AGAP4: variants seen among roughly 807,000 people sequenced by gnomAD.
AGAP4 encodes ArfGAP with GTPase domain, ankyrin repeat and PH domain 4.
A neutral mutation model predicts 60.7 loss-of-function variants in AGAP4; 13 were observed. The observed-to-expected ratio is 0.21, with a 90% confidence interval of 0.14 to 0.34. The LOEUF (loss-of-function observed/expected upper bound fraction) is 0.34, where lower values mean the gene tolerates loss of function less well. Ranked by LOEUF, AGAP4 falls within the 10% of genes least tolerant of loss-of-function variation. The probability of loss-of-function intolerance (pLI) is 1.00; values close to 1 mark genes in which losing one functional copy is unlikely to be tolerated. For missense variants in AGAP4, 169 were observed against 884.0 expected, an observed-to-expected ratio of 0.19 and a Z score of 10.26; for synonymous variants, 70 against 339.0, an observed-to-expected ratio of 0.21 and a Z score of 8.72.
intron 4 of AGAP4, among the ~76,000 whole-genome samples, chr10:45,834,674 CAAAAAAA>C (rs1174820110): frequency 0.33 from 4,923 of 15,100 alleles, 267 homozygotes; most frequent in South Asian, 0.42. Context: ...GACTCCGCCT[CAAAAAAA>C]AAAAAAAAAA....
chr10:45,847,008 G>C, intron 1 of AGAP4, 117 bp downstream of exon 1: 1 of 1,597,014 alleles, frequency 6.3e-7, no homozygotes, highest in East Asian at 2.2e-5. Context: ...GCCAGCTCCC[G>C]GGAAAGCTGG....
In AGAP4 at chr10:45,827,249, C is replaced by G; in HGVS notation, c.727G>C (p.Val243Leu). The G allele has an allele frequency of 6.4e-7, 1 of 1,561,954 alleles. No homozygotes were observed. The highest frequency in any genetic ancestry group is 8.6e-7 in the Non-Finnish European group (1 of 1,156,882). Reference sequence around the variant, plus strand: ...GACCAGCGCATGGACCGCTTGCAAACGGGGGTGGGTGTGTTGGCAGTGGGA... The same window carrying G: ...GACCAGCGCATGGACCGCTTGCAAAGGGGGGTGGGTGTGTTGGCAGTGGGA... ...VPPTANTPTP[V>L]CKRSMRWSNL... is the part of the protein sequence containing the mutation. The change falls in exon 8 of 8, where the codon GTT becomes CTT. Residue 243 changes from valine to leucine, a missense_variant. Val to Leu is a conservative substitution (Grantham distance 32). Coordinates refer to ENST00000616763, the MANE Select transcript of AGAP4 (RefSeq NM_001276343.3).
intron 4 of AGAP4, among the ~76,000 whole-genome samples, chr10:45,837,780 TG>T (rs1168505793): frequency 2.0e-5 from 3 of 150,518 alleles, no homozygotes; most frequent in African/African-American, 7.4e-5. Flanking sequence ...AAGATAACAT[TG>T]GAAAAACCCG....
upstream of AGAP4, among the ~76,000 whole-genome samples, chr10:45,849,485 T>G (rs1286942330): frequency 1.9e-4 from 28 of 149,622 alleles, no homozygotes; most frequent in African/African-American, 6.2e-4. Flanking sequence ...TTATTATTAT[T>G]ATTATTATTA....
At chr10:45,830,450 G>T (rs1353181141) in intron 6 of AGAP4, among the ~76,000 whole-genome samples, 1 of 119,030 alleles carries the variant, frequency 8.4e-6, no homozygotes, top group Admixed American at 7.9e-5. Flanking sequence ...GGGATTACAG[G>T]TGTGAACCAC....
At chr10:45,851,203 TG>T (rs1310880935), upstream of AGAP4, among the ~76,000 whole-genome samples, 1 of 151,994 alleles carries the variant, frequency 6.6e-6, no homozygotes, top group East Asian at 1.9e-4. Context: ...TAAGGAGAAC[TG>T]GGAAGAAAGA....
intron 5 of AGAP4, among the ~76,000 whole-genome samples, chr10:45,831,889 G>T (rs1277294114): frequency 6.8e-6 from 1 of 147,178 alleles, no homozygotes; most frequent in Non-Finnish European, 1.5e-5. Flanking sequence ...ACAAGTTTGT[G>T]CCACTATGCC....
chr10:45,842,620 C>T (rs1466784132), intron 3 of AGAP4, among the ~76,000 whole-genome samples: 2 of 148,826 alleles, frequency 1.3e-5, no homozygotes, highest in Non-Finnish European at 2.9e-5. Context: ...TTTTTTTTCC[C>T]TAAAAAGAGG....
intron 5 of AGAP4, among the ~76,000 whole-genome samples, chr10:45,832,705 T>C (rs1295121235): frequency 1.4e-4 from 20 of 144,742 alleles, no homozygotes; most frequent in African/African-American, 5.1e-4. Flanking sequence ...ATACATGTGT[T>C]TGCAGACTTG....
chr10:45,831,978 C>T (rs1343654580), intron 5 of AGAP4, among the ~76,000 whole-genome samples: 28 of 143,098 alleles, frequency 2.0e-4, no homozygotes, highest in Admixed American at 1.0e-3. Flanking sequence ...GGTGTGATCT[C>T]GGCTCACCAC....
At chr10:45,841,740 A>G in intron 3 of AGAP4, 53 bp from the exon 4 acceptor site, 1 of 595,878 alleles carries the variant, frequency 1.7e-6, no homozygotes, top group African/African-American at 1.9e-5. Context: ...ACCATAAAAT[A>G]AAAGTAGTTG....
At chr10:45,852,228 A>ACAAACAAAC (rs1430061423), upstream of AGAP4, among the ~76,000 whole-genome samples, 28 of 122,766 alleles carry the variant, frequency 2.3e-4, no homozygotes, top group Non-Finnish European at 4.5e-4. Context: ...AAAAAAAAAA[A>ACAAACAAAC]AAAAAAAAAA....
In AGAP4 at chr10:45,847,473, C is replaced by T. The variant is rs1161073535; in HGVS notation, c.-126G>A. 6.0e-5 allele frequency: 92 copies of T among 1,530,430 alleles called. No homozygotes were observed. The African/African-American group carries it at 1.1e-3, about 19-fold the overall frequency. 94.8% of individuals were successfully genotyped at this position (1,530,430 alleles called of 1,614,324 possible). On this transcript the variant is annotated 5_prime_UTR_variant, in exon 1 of 8. It adds an upstream start codon to the 5' untranslated region. Coordinates refer to ENST00000616763, the MANE Select transcript of AGAP4 (RefSeq NM_001276343.3). ...GGTCTTCCCGCTCCTCGCCTGCCCA[C>T]CTCACAGCGCGGCCCCGGGCACCAG...
chr10:45,837,660 A>G (rs1193082587), intron 4 of AGAP4, among the ~76,000 whole-genome samples: 1 of 151,854 alleles, frequency 6.6e-6, no homozygotes, highest in African/African-American at 2.4e-5. Flanking sequence ...ATAATTGGCA[A>G]GCCACATGCG....
rs1260745615 is a variant in AGAP4, at chr10:45,844,505, C to G, written c.293-111G>C. Reference sequence around the variant, plus strand: ...CTATTTCACTATCTCTACTTTGATTCTTATCCATTGAAATGAATGTATAGA... The same window carrying G: ...CTATTTCACTATCTCTACTTTGATTGTTATCCATTGAAATGAATGTATAGA... On this transcript the variant is annotated intron_variant, in intron 2 of 7. Transcript: ENST00000616763. 2.0e-6 allele frequency: 3 copies of G among 1,528,682 alleles called. No individual in the cohort carries two copies. The African/African-American group carries it at 4.4e-5, about 23-fold the overall frequency. 94.7% of individuals were successfully genotyped at this position (1,528,682 alleles called of 1,614,324 possible). A position where few individuals can be genotyped will look rare whatever the true frequency, so the allele number is the denominator to read the frequency against.
chr10:45,851,093 GAA>G (rs544654262), upstream of AGAP4, among the ~76,000 whole-genome samples: 1 of 147,278 alleles, frequency 6.8e-6, no homozygotes, highest in East Asian at 2.0e-4. Context: ...GCTAATACAT[GAA>G]AAAAAAAAGC....
At chr10:45,831,926 G>T (rs1343202698) in intron 5 of AGAP4, among the ~76,000 whole-genome samples, 1 of 147,924 alleles carries the variant, frequency 6.8e-6, no homozygotes, top group Non-Finnish European at 1.5e-5. Flanking sequence ...GGGGGGTGGG[G>T]TGGATGGAGT....
At chr10:45,838,783 C>T (rs1376939629) in intron 4 of AGAP4, among the ~76,000 whole-genome samples, 1 of 151,704 alleles carries the variant, frequency 6.6e-6, no homozygotes, top group African/African-American at 2.4e-5. Flanking sequence ...GCGATGTTGA[C>T]CAGGCTAAAA....
chr10:45,841,428 A>T, intron 4 of AGAP4: 1 of 435,402 alleles, frequency 2.3e-6, no homozygotes, highest in Non-Finnish European at 4.2e-6. Context: ...GAACCGGACT[A>T]TTGAAATTTA....
Sources: gnomAD v4.1 joint callset for allele counts (sites outside exome capture counted in the v4.1 genomes callset) on GRCh38, gnomAD v4.1.1 for gene constraint, MANE v1.5 for transcripts, NCBI Gene and HGNC (gene_info 2026-07-23, HGNC 2026-07-21) for gene names.